CNTN5: variants seen among roughly 807,000 people sequenced by gnomAD.
The protein encoded by CNTN5 is contactin 5.
A neutral mutation model predicts 129.1 loss-of-function variants in CNTN5; 77 were observed. The ratio of observed to expected loss-of-function variants is 0.60; its 90% CI spans 0.50 to 0.72. The LOEUF is 0.72. Ranked by LOEUF, CNTN5 falls within the 30% of genes least tolerant of loss-of-function variation. The probability of loss-of-function intolerance (pLI) is 0.00; values close to 1 mark genes in which losing one functional copy is unlikely to be tolerated. For synonymous variants in CNTN5, 509 were observed against 465.6 expected (o/e 1.09, Z -1.20); for missense variants, 1,478 against 1,328.8 (o/e 1.11, Z -1.75).
chr11:99,382,638 G>A (rs1246965503), intron 2 of CNTN5, among the ~76,000 whole-genome samples: 1 of 151,860 alleles, frequency 6.6e-6, no homozygotes. Context: ...GAATAATCCA[G>A]TGCCATGACT....
intron 1 of CNTN5, among the ~76,000 whole-genome samples, chr11:99,201,808 A>G (rs1859223650): frequency 6.6e-6 from 1 of 152,186 alleles, no homozygotes; most frequent in African/African-American, 2.4e-5. Flanking sequence ...AGCAAAGGGC[A>G]AGGAAATGGA....
At chr11:99,076,734 A>G (rs1164772569) in intron 1 of CNTN5, among the ~76,000 whole-genome samples, 4 of 152,220 alleles carry the variant, frequency 2.6e-5, no homozygotes, top group African/African-American at 9.6e-5. Flanking sequence ...TTTCCACAAA[A>G]GATACAGCAT....
At chr11:99,906,151 C>G (rs760294654) in intron 6 of CNTN5, among the ~76,000 whole-genome samples, 1 of 152,052 alleles carries the variant, frequency 6.6e-6, no homozygotes, top group Non-Finnish European at 1.5e-5. Context: ...TGATTGCCCT[C>G]TCTAGAACTT....
intron 2 of CNTN5, among the ~76,000 whole-genome samples, chr11:99,472,885 A>G (rs969287619): frequency 7.2e-5 from 11 of 152,162 alleles, no homozygotes; most frequent in South Asian, 2.1e-4. Context: ...ATCATTTTCT[A>G]TGGCACCTTA....
At chr11:99,069,197 G>C (rs1156695028) in intron 1 of CNTN5, among the ~76,000 whole-genome samples, 1 of 151,974 alleles carries the variant, frequency 6.6e-6, no homozygotes, top group Non-Finnish European at 1.5e-5. Context: ...TTGATTCTTA[G>C]ATTATAAATA....
At chr11:99,147,893 T>C (rs931363816) in intron 1 of CNTN5, among the ~76,000 whole-genome samples, 1 of 152,026 alleles carries the variant, frequency 6.6e-6, no homozygotes, top group African/African-American at 2.4e-5. Context: ...ATTGTAGAAA[T>C]TCAATGACAG....
intron 2 of CNTN5, among the ~76,000 whole-genome samples, chr11:99,409,453 A>G (rs528272695): frequency 6.6e-6 from 1 of 152,344 alleles, no homozygotes; most frequent in African/African-American, 2.4e-5. Flanking sequence ...GGGCGACAAC[A>G]GAGCGAGATT....
chr11:99,874,850 T>C (rs1012923767), intron 6 of CNTN5, among the ~76,000 whole-genome samples: 1 of 152,130 alleles, frequency 6.6e-6, no homozygotes, highest in Non-Finnish European at 1.5e-5. Context: ...AGCTCAATTT[T>C]TTTCCTTTTG....
intron 15 of CNTN5, 60 bp downstream of exon 15, chr11:100,193,723 G>C (rs1038016664): frequency 3.4e-6 from 5 of 1,450,312 alleles, no homozygotes; most frequent in Non-Finnish European, 3.8e-6. Flanking sequence ...TGAATCAAAT[G>C]TAAGACCTTG....
At chr11:100,053,175 T>C (rs1378302924) in intron 9 of CNTN5, among the ~76,000 whole-genome samples, 1 of 151,686 alleles carries the variant, frequency 6.6e-6, no homozygotes, top group Non-Finnish European at 1.5e-5. Flanking sequence ...ATCTCACTTT[T>C]TACTTTCTGG....
At chr11:99,704,256 A>G (rs1353018999) in intron 3 of CNTN5, among the ~76,000 whole-genome samples, 1 of 151,076 alleles carries the variant, frequency 6.6e-6, no homozygotes, top group Non-Finnish European at 1.5e-5. Context: ...GGAACTTACT[A>G]AGTGCCAAGT....
chr11:100,191,345 C>A, intron 14 of CNTN5, 92 bp downstream of exon 14: 1 of 1,062,542 alleles, frequency 9.4e-7, no homozygotes, highest in Non-Finnish European at 1.3e-6. Flanking sequence ...TATGTTTGGA[C>A]TTAAGTGTGT....
intron 13 of CNTN5, among the ~76,000 whole-genome samples, chr11:100,077,978 C>T (rs1177591023): frequency 1.3e-5 from 2 of 152,072 alleles, no homozygotes; most frequent in East Asian, 3.8e-4. Context: ...ATAATCTAAT[C>T]ATCTGAAAAT....
At chr11:100,282,328 T>C (rs1017234836) in intron 18 of CNTN5, among the ~76,000 whole-genome samples, 1 of 152,362 alleles carries the variant, frequency 6.6e-6, no homozygotes, top group East Asian at 1.9e-4. Flanking sequence ...AATGTAGTTC[T>C]TGGAGACTAG....
At chr11:99,701,687 A>G (rs550384756) in intron 3 of CNTN5, among the ~76,000 whole-genome samples, 47 of 151,110 alleles carry the variant, frequency 3.1e-4, no homozygotes, top group Middle Eastern at 3.4e-3. Context: ...TTTAATTTTC[A>G]TTTTTATTTT....
chr11:99,371,040 A>T (rs1939788697), intron 2 of CNTN5, among the ~76,000 whole-genome samples: 4 of 152,188 alleles, frequency 2.6e-5, no homozygotes, highest in Non-Finnish European at 5.9e-5. Context: ...TTGGCTCTGC[A>T]GCCTCTGTTG....
intron 1 of CNTN5, among the ~76,000 whole-genome samples, chr11:99,223,977 C>T (rs551134411): frequency 1.3e-5 from 2 of 152,184 alleles, no homozygotes; most frequent in South Asian, 4.1e-4. Flanking sequence ...ATAAATGTTT[C>T]TTCTCCGCAT....
At chr11:100,297,540 AC>A in intron 18 of CNTN5, 84 bp from the exon 19 acceptor site, 1 of 1,015,992 alleles carries the variant, frequency 9.8e-7, no homozygotes, top group Non-Finnish European at 1.5e-6. Context: ...CTGACTTCAA[AC>A]AAACTTCTGA....
intron 16 of CNTN5, among the ~76,000 whole-genome samples, chr11:100,234,800 A>T (rs1488656072): frequency 1.3e-5 from 2 of 148,224 alleles, no homozygotes; most frequent in Admixed American, 6.6e-5. Context: ...TTTAAAAAAA[A>T]AAAAAAAAAA....
Sources: allele counts gnomAD v4.1 joint callset (sites outside exome capture counted in the v4.1 genomes callset), GRCh38; gene constraint gnomAD v4.1.1; transcripts MANE v1.5; gene names NCBI Gene and HGNC (gene_info 2026-07-23, HGNC 2026-07-21).